PALM: variants seen among roughly 807,000 people sequenced by gnomAD.
PALM encodes the protein paralemmin-1.
In PALM, 18 loss-of-function variants were observed where a neutral mutation model predicts 30.7. That is an observed-to-expected ratio of 0.59 (90% confidence interval 0.41 to 0.87). The LOEUF is 0.87. Ranked by LOEUF, PALM falls within the 40% of genes least tolerant of loss-of-function variation. The pLI, the probability that PALM is intolerant of heterozygous loss-of-function variation, is 0.00. For synonymous variants in PALM, 286 were observed against 242.8 expected, an observed-to-expected ratio of 1.18 and a Z score of -1.66; for missense variants, 529 against 555.4, an observed-to-expected ratio of 0.95 and a Z score of 0.48.
chr19:715,205 T>C (rs993771000), intron 1 of PALM, among the ~76,000 whole-genome samples: 2 of 152,134 alleles, frequency 1.3e-5, no homozygotes, highest in East Asian at 3.9e-4. Flanking sequence ...GAGGCGGAGC[T>C]TTCAGTGAGC....
In PALM at chr19:738,637, G is replaced by A. The variant is rs142032043; in HGVS notation, c.503-1715G>A. On this transcript the variant is annotated intron_variant, in intron 7 of 8. Transcript: ENST00000338448. ...AGTGTTATGGACGTGTGAGAGTGGG[G>A]CCCCTGTGGATAGGGGCTGAGTCCA... Among the ~76,000 whole-genome samples the A allele has an allele frequency of 2.3e-3, 346 of 152,290 alleles. 3 individuals are homozygous for A. The highest frequency in any genetic ancestry group is 0.013 in the East Asian group (69 of 5,178).
chr19:746,418 C>G lies in PALM; in HGVS notation c.768C>G (p.Thr256=), dbSNP rs1204726303. ...EAGSTAGAAE[T]RGAVEGAART... ...GGTCCACGGCCGGGGCGGCAGAGAC[C>G]CGGGGGGCTGTGGAGGGGGCAGCCC... The change falls in exon 9 of 9, where the codon ACC becomes ACG. Residue 256 remains threonine, a synonymous_variant. Transcript: ENST00000338448. The surrounding 1 kb of genome is among the most constrained non-coding windows in gnomAD (Gnocchi z 7.1). 6.2e-7 allele frequency: 1 copy of G among 1,611,438 alleles called. No individual in the cohort carries two copies. Among genetic ancestry groups the G allele is most frequent in the African/African-American group, 1.3e-5 (1 of 74,908 alleles).
At chr19:722,795 T>C (rs2032533303) in intron 1 of PALM, 1 of 152,224 alleles carries the variant, frequency 6.6e-6, no homozygotes, top group Non-Finnish European at 1.5e-5. Flanking sequence ...ATCAAGCCTT[T>C]CCTGAACCCC....
rs997860478 is a variant in PALM, at chr19:722,162, C to T, written c.6-3976C>T. On this transcript the variant is annotated intron_variant, in intron 1 of 8. Coordinates refer to ENST00000338448, the MANE Select transcript of PALM (RefSeq NM_002579.3). ...CTCGATCTCCTGACCTCGTGATCCG[C>T]CCGCCTCGGCCTCCCAAAGTGCTGG... 2.6e-5 allele frequency among the ~76,000 whole-genome samples: 4 copies of T among 152,220 alleles called. No individual in the cohort carries two copies. The East Asian group carries it at 5.8e-4, about 22-fold the overall frequency.
At position 719,137 on chromosome 19, in the gene PALM, T is replaced by TCGTTCTGGCTGGAGCTGCC. The variant is rs1407609555; in HGVS notation, c.6-6998_6-6980dup. 9 of 984,474 alleles carry TCGTTCTGGCTGGAGCTGCC rather than the reference T, an allele frequency of 9.1e-6. No individual in the cohort carries two copies. In the Admixed American group the frequency reaches 5.6e-4, roughly 61 times the overall value. The allele number at this position is 984,474 out of a possible 1,614,324, so 61.0% of individuals were successfully genotyped here. Reference sequence around the variant, plus strand: ...GGCGCCTGCCCGGGCAGGGACCCCCTCGTTCTGGCTGGAGCTGCCCGGGCG... The same window carrying TCGTTCTGGCTGGAGCTGCC: ...GGCGCCTGCCCGGGCAGGGACCCCCTCGTTCTGGCTGGAGCTGCCCGTTCTGGCTGGAGCTGCCCGGGCG... On this transcript the variant is annotated intron_variant, in intron 1 of 8. Coordinates refer to ENST00000338448, the MANE Select transcript of PALM (RefSeq NM_002579.3).
intron 3 of PALM, 126 bp downstream of exon 3, chr19:727,214 G>GACCCCA (rs2032701758): frequency 3.1e-6 from 2 of 649,172 alleles, no homozygotes; most frequent in Non-Finnish European, 2.7e-6. Flanking sequence ...CTCCAGCCCT[G>GACCCCA]ACCCTGACCC....
chr19:719,697 A>T (rs1302359135), intron 1 of PALM: 9 of 889,512 alleles, frequency 1.0e-5, no homozygotes, highest in East Asian at 1.2e-4. Flanking sequence ...TCCTTCCGTG[A>T]CCCCTGCGCC....
intron 7 of PALM, among the ~76,000 whole-genome samples, chr19:737,265 C>A (rs1032222556): frequency 6.6e-6 from 1 of 152,208 alleles, no homozygotes; most frequent in South Asian, 2.1e-4. Context: ...CTGGCAGACA[C>A]CGAGGCCCAG....
chr19:739,696 C>T (rs1398986049), intron 7 of PALM, among the ~76,000 whole-genome samples: 1 of 151,984 alleles, frequency 6.6e-6, no homozygotes, highest in Non-Finnish European at 1.5e-5. Context: ...AAATAATAGG[C>T]TGGGCGCGGT....
intron 6 of PALM, among the ~76,000 whole-genome samples, chr19:735,607 G>C (rs1340419091): frequency 1.1e-4 from 2 of 17,758 alleles, no homozygotes; most frequent in Non-Finnish European, 2.2e-4. Flanking sequence ...GAGGGCCCAG[G>C]TGCCTGTCTG....
At chr19:726,928 T>C (rs1273356911) in intron 2 of PALM, 80 bp from the exon 3 acceptor site, 4 of 806,706 alleles carry the variant, frequency 5.0e-6, no homozygotes, top group African/African-American at 3.6e-5. Flanking sequence ...AGGATCGGGC[T>C]GGGCAGAGCC....
intron 1 of PALM, among the ~76,000 whole-genome samples, chr19:725,796 C>T (rs1470465800): frequency 6.6e-6 from 1 of 152,076 alleles, no homozygotes; most frequent in African/African-American, 2.4e-5. Context: ...GTCTTATGGT[C>T]TGGGCCAGGA....
At chr19:721,675 G>A (rs1420498204) in intron 1 of PALM, among the ~76,000 whole-genome samples, 9 of 151,574 alleles carry the variant, frequency 5.9e-5, no homozygotes, top group South Asian at 2.1e-4. Context: ...TCGGCTCACC[G>A]TGACTTCTGC....
At chr19:731,379 T>C in intron 5 of PALM, 134 bp downstream of exon 5, 1 of 855,566 alleles carries the variant, frequency 1.2e-6, no homozygotes, top group Non-Finnish European at 1.8e-6. Context: ...GATTTCCAGC[T>C]CACCGGAGCC....
intron 4 of PALM, among the ~76,000 whole-genome samples, chr19:728,627 G>A (rs545784239): frequency 1.6e-4 from 25 of 152,068 alleles, no homozygotes; most frequent in Non-Finnish European, 2.6e-4. Context: ...GACCAACATC[G>A]TGAAACCCCA....
intron 5 of PALM, among the ~76,000 whole-genome samples, 168 bp downstream of exon 5, chr19:731,413 A>C (rs1252885816): frequency 6.6e-6 from 1 of 152,208 alleles, no homozygotes; most frequent in Non-Finnish European, 1.5e-5. Context: ...GTGAGCCGGG[A>C]CACGTGGTTT....
chr19:728,358 G>A lies in PALM; in HGVS notation c.269+664G>A, dbSNP rs1054417506. Among the ~76,000 whole-genome samples the A allele has an allele frequency of 3.9e-5, 6 of 152,224 alleles. No individual in the cohort carries two copies. In the South Asian group the frequency reaches 6.2e-4, roughly 16 times the overall value. On this transcript the variant is annotated intron_variant, in intron 4 of 8. Transcript: ENST00000338448. ...CTGGCCAGGGAAGGTGCCCAGAGGC[G>A]GGAGGCCGGCCGGATCACACGGACC...
chr19:720,209 C>T (rs1266184727), intron 1 of PALM, among the ~76,000 whole-genome samples: 1 of 152,076 alleles, frequency 6.6e-6, no homozygotes, highest in South Asian at 2.1e-4. Flanking sequence ...CCGGCCCCAC[C>T]CCCGCGCGCC....
Position 742,371 on chromosome 19 carries a change from G to A in PALM, c.634+1888G>A, listed in dbSNP as rs1012515623. ...TGTAATCCCGGCACTTTGGGAGGCCGAGGCGGGTGGATCACCTGAGGTCAG... is the reference window on the plus strand; with the variant it reads ...TGTAATCCCGGCACTTTGGGAGGCCAAGGCGGGTGGATCACCTGAGGTCAG... On this transcript the variant is annotated intron_variant, in intron 8 of 8. Transcript: ENST00000338448. The surrounding 1 kb of genome is among the most constrained non-coding windows in gnomAD (Gnocchi z 5.5). Among the ~76,000 whole-genome samples the A allele has an allele frequency of 2.6e-5, 4 of 152,128 alleles. No homozygotes were observed. Among genetic ancestry groups the A allele is most frequent in the Admixed American group, 6.6e-5 (1 of 15,264 alleles).
Sources: gnomAD v4.1 joint callset for allele counts (sites outside exome capture counted in the v4.1 genomes callset) on GRCh38, gnomAD v4.1.1 for gene constraint, Gnocchi (gnomAD v3.1) non-coding constraint, MANE v1.5 for transcripts, NCBI Gene and HGNC (gene_info 2026-07-23, HGNC 2026-07-21) for gene names.